The following LARP4 variants were observed in gnomAD, a reference collection of about 807,000 sequenced individuals.
The protein encoded by LARP4 is la-related protein 4.
LARP4 carries 29 observed loss-of-function variants against 92.9 expected under a neutral mutation model. That is an observed-to-expected ratio of 0.31 (90% CI 0.23 to 0.43). LARP4 has a LOEUF of 0.43. LARP4 is among the 20% of genes least tolerant of loss of function. The probability of loss-of-function intolerance (pLI) is 1.00; values close to 1 mark genes in which losing one functional copy is unlikely to be tolerated. For synonymous variants in LARP4, 279 were observed against 284.1 expected, an observed-to-expected ratio of 0.98 and a Z score of 0.18; for missense variants, 732 against 860.0, an observed-to-expected ratio of 0.85 and a Z score of 1.86.
chr12:50,461,968 T>C (rs80068796), intron 11 of LARP4, among the ~76,000 whole-genome samples: 16,497 of 151,460 alleles, frequency 0.11, 1,765 homozygotes, highest in East Asian at 0.45. Flanking sequence ...AAAATATAAA[T>C]AAACTATAGG....
chr12:50,427,834 G>C lies in LARP4; in HGVS notation c.91G>C (p.Asp31His), dbSNP rs199674991. 2 of 1,604,132 alleles carry C rather than the reference G, an allele frequency of 1.2e-6. No homozygotes were observed. The highest frequency in any genetic ancestry group is 1.1e-5 in the South Asian group (1 of 89,782). The change falls in exon 2 of 16, where the codon GAT becomes CAT. Residue 31 changes from aspartate to histidine, a missense_variant. Asp to His is a moderately conservative substitution (Grantham distance 81). This residue lies in a region of LARP4 where 236 missense variants were observed against 307.6 expected (regional missense o/e 0.77). Transcript: ENST00000398473. ...VWQEIAPGNT[D>H]ATPVTHGTES... ...GCAAGAAATTGCTCCTGGAAATACT[G>C]ATGCCACCCCAGTAACTCATGGAAC...
At chr12:50,410,273 T>A (rs569175276) in intron 1 of LARP4, among the ~76,000 whole-genome samples, 1 of 152,082 alleles carries the variant, frequency 6.6e-6, no homozygotes, top group African/African-American at 2.4e-5. Flanking sequence ...AGGGTCTTGC[T>A]ATGTTGGCTA....
intron 4 of LARP4, among the ~76,000 whole-genome samples, chr12:50,434,799 C>T (rs534845054): frequency 6.6e-6 from 1 of 152,068 alleles, no homozygotes; most frequent in East Asian, 2.0e-4. Context: ...AATCCCAGCA[C>T]TTTGGGAGGC....
At chr12:50,423,842 C>T (rs1948278252) in intron 1 of LARP4, among the ~76,000 whole-genome samples, 1 of 151,060 alleles carries the variant, frequency 6.6e-6, no homozygotes, top group Admixed American at 6.6e-5. Context: ...ATCTCCACCT[C>T]CTGGGTTCAA....
At position 50,422,783 on chromosome 12, in the gene LARP4, ATTATTATTATTATTATTATTATTATTAT is replaced by A. The variant is rs1315637927; in HGVS notation, c.19-4977_19-4950del. 1.3e-3 allele frequency among the ~76,000 whole-genome samples: 20 copies of A among 15,960 alleles called. No individual in the cohort carries two copies. The African/African-American group carries it at 0.016, about 13-fold the overall frequency. The allele number at this position is 15,960 out of a possible 152,430, so 10.5% of individuals were successfully genotyped here. ...AACTCTATGCCAGTTGGGAAATTAT[ATTATTATTATTATTATTATTATTATTAT>A]TATTATTATTATTATTATTATTTTT... is the stretch of plus-strand genomic sequence containing the variant. On this transcript the variant is annotated intron_variant, in intron 1 of 15. Coordinates refer to ENST00000398473, the MANE Select transcript of LARP4 (RefSeq NM_052879.5).
intron 1 of LARP4, among the ~76,000 whole-genome samples, chr12:50,423,846 G>C (rs574398945): frequency 6.6e-6 from 1 of 151,806 alleles, no homozygotes; most frequent in South Asian, 2.1e-4. Flanking sequence ...CCACCTCCTG[G>C]GTTCAAGCGA....
intron 1 of LARP4, chr12:50,401,274 G>C (rs1943770715): frequency 1.8e-6 from 1 of 563,436 alleles, no homozygotes; most frequent in Admixed American, 3.0e-5. Context: ...GGCTGTTCTG[G>C]TGTGGCGGTG....
At chr12:50,408,676 G>A (rs548325585) in intron 1 of LARP4, among the ~76,000 whole-genome samples, 134 of 152,254 alleles carry the variant, frequency 8.8e-4, no homozygotes, top group Non-Finnish European at 1.4e-3. Context: ...TATTTTCTGT[G>A]ACAGATGTTT....
At chr12:50,402,156 C>T (rs1324547465) in intron 1 of LARP4, among the ~76,000 whole-genome samples, 1 of 151,924 alleles carries the variant, frequency 6.6e-6, no homozygotes, top group Non-Finnish European at 1.5e-5. Flanking sequence ...AATCTTACTC[C>T]GTAATATTCC....
At chr12:50,468,717 C>T (rs1398164588) in intron 13 of LARP4, among the ~76,000 whole-genome samples, 3 of 152,176 alleles carry the variant, frequency 2.0e-5, no homozygotes, top group Non-Finnish European at 4.4e-5. Context: ...CTTTTCCTAT[C>T]CTCCTGATAT....
intron 3 of LARP4, 55 bp from the exon 4 acceptor site, chr12:50,430,440 A>G: frequency 1.1e-6 from 1 of 895,808 alleles, no homozygotes; most frequent in Non-Finnish European, 1.8e-6. Context: ...TGTCAGATTT[A>G]TCACCTCTAC....
At chr12:50,467,862 T>TG (rs1956357919) in intron 13 of LARP4, among the ~76,000 whole-genome samples, 1 of 148,626 alleles carries the variant, frequency 6.7e-6, no homozygotes, top group South Asian at 2.2e-4. Flanking sequence ...ATTCAGTTTT[T>TG]TTTTTAATTA....
intron 1 of LARP4, among the ~76,000 whole-genome samples, chr12:50,424,499 C>T (rs1948419177): frequency 6.6e-6 from 1 of 151,846 alleles, no homozygotes; most frequent in South Asian, 2.1e-4. Context: ...GCTGGGATTA[C>T]AGGCATGTAC....
At chr12:50,426,558 C>CTA (rs1948731170) in intron 1 of LARP4, among the ~76,000 whole-genome samples, 1 of 151,858 alleles carries the variant, frequency 6.6e-6, no homozygotes, top group South Asian at 2.1e-4. Flanking sequence ...GCTTGTTATC[C>CTA]TACACTTAGA....
intron 13 of LARP4, among the ~76,000 whole-genome samples, chr12:50,471,789 C>T (rs1241521371): frequency 3.3e-5 from 5 of 152,186 alleles, no homozygotes; most frequent in African/African-American, 1.2e-4. Flanking sequence ...TCCCAAAGTG[C>T]TAGGTTGACA....
In LARP4 at chr12:50,473,588, G is replaced by A. The variant is rs566692341; in HGVS notation, c.1667+52G>A. 3.2e-5 allele frequency: 51 copies of A among 1,573,204 alleles called. 1 individual carries two copies. Among genetic ancestry groups the A allele is most frequent in the African/African-American group, 1.2e-4 (9 of 74,012 alleles). Reference sequence around the variant, plus strand: ...CAACATTAAATTACTTTTTCTGGCCGGGTGTGGTGGCTCTCACCTGTAATC... The same window carrying A: ...CAACATTAAATTACTTTTTCTGGCCAGGTGTGGTGGCTCTCACCTGTAATC... On this transcript the variant is annotated intron_variant, in intron 14 of 15. Transcript: ENST00000398473.
At position 50,454,043 on chromosome 12, in the gene LARP4, G is replaced by A. The variant is rs531486705; in HGVS notation, c.1018-271G>A. On this transcript the variant is annotated intron_variant, in intron 9 of 15. Transcript: ENST00000398473. ...TTTTATTCCATAAAATTTGCTGAGT[G>A]AATTGAAAGAAGAGACTGGATAACT... is the stretch of plus-strand genomic sequence containing the variant. Among the ~76,000 whole-genome samples the A allele has an allele frequency of 4.6e-5, 7 of 152,274 alleles. No individual in the cohort carries two copies. In the South Asian group the frequency reaches 1.4e-3, roughly 32 times the overall value.
chr12:50,437,899 C>T (rs1351771940), intron 6 of LARP4, 61 bp downstream of exon 6: 4 of 1,145,244 alleles, frequency 3.5e-6, no homozygotes, highest in Admixed American at 2.1e-5. Flanking sequence ...GAGGTTTCTT[C>T]TGCCTTTCGT....
intron 1 of LARP4, among the ~76,000 whole-genome samples, chr12:50,421,890 T>G (rs940595099): frequency 6.6e-6 from 1 of 152,128 alleles, no homozygotes; most frequent in Non-Finnish European, 1.5e-5. Context: ...TCTTTCTATG[T>G]CTTTAATTGG....
Sources: gnomAD v4.1 joint callset for allele counts (sites outside exome capture counted in the v4.1 genomes callset) on GRCh38, gnomAD v4.1.1 for gene constraint, gnomAD v4.1.1 regional missense constraint, MANE v1.5 for transcripts, NCBI Gene and HGNC (gene_info 2026-07-23, HGNC 2026-07-21) for gene names.